Variants in MYO16 observed in about 807,000 individuals in gnomAD.
MYO16 encodes the protein unconventional myosin-XVI.
Under a neutral mutation model 205.3 loss-of-function variants are expected in MYO16, and 94 were observed. The observed-to-expected ratio is 0.46, with a 90% CI of 0.39 to 0.54. The LOEUF (loss-of-function observed/expected upper bound fraction) is 0.54. Among genes scored for constraint, MYO16 ranks in the 20% least tolerant of loss-of-function variants. The pLI, the probability that MYO16 is intolerant of heterozygous loss-of-function variation, is 0.00. For missense variants in MYO16, 2,315 were observed against 2,387.5 expected (o/e 0.97, Z 0.63); for synonymous variants, 988 against 954.0 (o/e 1.04, Z -0.66).
intron 22 of MYO16, among the ~76,000 whole-genome samples, chr13:109,011,244 GTCT>G (rs1189470348): frequency 2.6e-5 from 4 of 151,816 alleles, no homozygotes; most frequent in Non-Finnish European, 5.9e-5. Context: ...TCTGCATTAG[GTCT>G]TCTTCTCTTT....
intron 9 of MYO16, among the ~76,000 whole-genome samples, chr13:108,843,908 C>T (rs991002852): frequency 4.0e-5 from 6 of 151,812 alleles, no homozygotes; most frequent in African/African-American, 1.5e-4. Context: ...TGAAGTTTTG[C>T]CCATGATTTT....
the MYO16 span, among the ~76,000 whole-genome samples, chr13:108,521,896 TA>T: frequency 6.6e-6 from 1 of 152,248 alleles, no homozygotes; most frequent in Non-Finnish European, 1.5e-5. Flanking sequence ...TCATCATTAT[TA>T]ATCTGCAATG....
intron 34 of MYO16, among the ~76,000 whole-genome samples, chr13:109,188,929 A>G (rs1478907469): frequency 6.6e-6 from 1 of 152,092 alleles, no homozygotes; most frequent in Non-Finnish European, 1.5e-5. Context: ...ACCTGTCTCT[A>G]CTAAAAATAC....
At chr13:108,790,990 A>G (rs1264901647) in intron 5 of MYO16, among the ~76,000 whole-genome samples, 2 of 152,250 alleles carry the variant, frequency 1.3e-5, no homozygotes, top group African/African-American at 2.4e-5. Flanking sequence ...AGTTAACAAA[A>G]TAACTTAAGA....
At position 108,873,628 on chromosome 13, in the gene MYO16, G is replaced by A. The variant is rs151284335; in HGVS notation, c.1425+7386G>A. ...ATGCCAACCACCAGGACAGGGTCCA[G>A]GCCAACCAACCAGGACAGGGTCCAT... On this transcript the variant is annotated intron_variant, in intron 12 of 34. Coordinates refer to ENST00000457511, the MANE Select transcript of MYO16 (RefSeq NM_001198950.3). Among the ~76,000 whole-genome samples the A allele has an allele frequency of 7.5e-5, 11 of 147,034 alleles. No individual in the cohort carries two copies. The East Asian group carries it at 2.3e-3, about 31-fold the overall frequency.
intron 32 of MYO16, among the ~76,000 whole-genome samples, chr13:109,146,388 A>C (rs1877331729): frequency 6.6e-6 from 1 of 152,222 alleles, no homozygotes; most frequent in Non-Finnish European, 1.5e-5. Flanking sequence ...AGACAAAAGT[A>C]TAAAGAATAG....
At chr13:109,048,244 A>C (rs1037147996) in intron 24 of MYO16, 27 of 624,226 alleles carry the variant, frequency 4.3e-5, no homozygotes, top group Non-Finnish European at 6.7e-5. Flanking sequence ...TTATCTTAAT[A>C]GAGTCCCTGT....
intron 23 of MYO16, among the ~76,000 whole-genome samples, chr13:109,023,790 A>G (rs1036614762): frequency 1.1e-4 from 15 of 133,288 alleles, no homozygotes; most frequent in Admixed American, 8.1e-5. Flanking sequence ...TTATATGCAT[A>G]TTCTACATTT....
At chr13:109,030,409 G>A (rs1367658) in intron 23 of MYO16, among the ~76,000 whole-genome samples, 10,925 of 152,172 alleles carry the variant, frequency 0.072, 456 homozygotes, top group Non-Finnish European at 0.093. Flanking sequence ...CATATATTCT[G>A]TGATATATTG....
intron 1 of MYO16, among the ~76,000 whole-genome samples, chr13:108,596,861 G>A (rs1008191802): frequency 6.6e-6 from 1 of 152,142 alleles, no homozygotes; most frequent in Non-Finnish European, 1.5e-5. Flanking sequence ...TTTGATAGAA[G>A]AAATAAAACC....
chr13:108,536,013 ACGTGTGTGTG>A, the MYO16 span, among the ~76,000 whole-genome samples: 1 of 141,790 alleles, frequency 7.1e-6, no homozygotes, highest in South Asian at 2.3e-4. Flanking sequence ...ATATGCGCAT[ACGTGTGTGTG>A]CATGTGTGTG....
At chr13:108,627,470 T>C (rs997101982), upstream of MYO16, among the ~76,000 whole-genome samples, 10 of 152,220 alleles carry the variant, frequency 6.6e-5, no homozygotes, top group African/African-American at 1.9e-4. Context: ...AACACTGTGC[T>C]ATCTTGATTG....
chr13:108,859,387 G>T (rs544302690), intron 11 of MYO16, among the ~76,000 whole-genome samples: 1 of 152,294 alleles, frequency 6.6e-6, no homozygotes, highest in South Asian at 2.1e-4. Context: ...CCAAATAACT[G>T]AGGGTTGAGC....
At chr13:109,104,913 G>T (rs1301615658) in intron 28 of MYO16, among the ~76,000 whole-genome samples, 1 of 151,696 alleles carries the variant, frequency 6.6e-6, no homozygotes, top group Non-Finnish European at 1.5e-5. Context: ...TCTCTGCTTT[G>T]TTCTCCTCCA....
chr13:109,160,564 G>C (rs1352123552), intron 32 of MYO16, among the ~76,000 whole-genome samples: 3 of 152,070 alleles, frequency 2.0e-5, no homozygotes, highest in Non-Finnish European at 4.4e-5. Flanking sequence ...GGATGCCACT[G>C]AACTACACAA....
Position 109,125,048 on chromosome 13 carries a change from G to T in MYO16, c.3536-64G>T. ...CAGAGATAAGTATATTATGATTTTT[G>T]TTTGTGCATGTCTGAGTTTTTCACT... On this transcript the variant is annotated intron_variant, in intron 29 of 34. Coordinates refer to ENST00000457511, the MANE Select transcript of MYO16 (RefSeq NM_001198950.3). This position sits in a 1 kb window ranked among gnomAD's most constrained non-coding sequence, Gnocchi z 4.0. 6.5e-7 allele frequency: 1 copy of T among 1,532,412 alleles called. No individual in the cohort carries two copies. The highest frequency in any genetic ancestry group is 1.9e-5 in the Admixed American group (1 of 53,558). 94.9% of individuals were successfully genotyped at this position (1,532,412 alleles called of 1,614,324 possible).
rs1452682508 is a variant in MYO16 at position 109,021,706 on chromosome 13, G to C, written c.2796+1795G>C. On this transcript the variant is annotated intron_variant, in intron 23 of 34. Coordinates refer to ENST00000457511, the MANE Select transcript of MYO16 (RefSeq NM_001198950.3). ...AAGTTGTGTCAGAAGTTCAGTGCAGGGTAGAAAGGGCGGTAGGTGACATGT... is the reference window on the plus strand; with the variant it reads ...AAGTTGTGTCAGAAGTTCAGTGCAGCGTAGAAAGGGCGGTAGGTGACATGT... Among the ~76,000 whole-genome samples, 3 of 152,116 alleles carry C rather than the reference G, an allele frequency of 2.0e-5. No homozygotes were observed. The East Asian group carries it at 5.8e-4, about 29-fold the overall frequency.
intron 2 of MYO16, among the ~76,000 whole-genome samples, chr13:108,700,348 A>AAAG (rs56374914): frequency 4.6e-5 from 6 of 129,580 alleles, no homozygotes; most frequent in Non-Finnish European, 6.2e-5. Context: ...AAAAAAAAAA[A>AAAG]AAGAAGAAGA....
At chr13:108,650,760 G>A (rs1000921159) in intron 1 of MYO16, among the ~76,000 whole-genome samples, 2 of 152,134 alleles carry the variant, frequency 1.3e-5, no homozygotes, top group African/African-American at 4.8e-5. Flanking sequence ...CTTACATCTT[G>A]AAGACGCTCA....
Sources: allele counts gnomAD v4.1 joint callset (sites outside exome capture counted in the v4.1 genomes callset), GRCh38; gene constraint gnomAD v4.1.1; non-coding constraint Gnocchi (gnomAD v3.1); transcripts MANE v1.5; gene names NCBI Gene and HGNC (gene_info 2026-07-23, HGNC 2026-07-21).